Variants in SDK1 observed in about 807,000 individuals in gnomAD.
The protein encoded by SDK1 is protein sidekick-1.
In SDK1, 157 loss-of-function variants were observed where a neutral mutation model predicts 245.5. The observed-to-expected ratio is 0.64, with a 90% confidence interval of 0.56 to 0.73. The LOEUF (loss-of-function observed/expected upper bound fraction) is 0.73. SDK1 is among the 30% of genes least tolerant of loss of function. SDK1 has a pLI of 0.00. For synonymous variants in SDK1, 1,647 were observed against 1,278.5 expected, an observed-to-expected ratio of 1.29 and a Z score of -6.15; for missense variants, 3,583 against 3,002.3, an observed-to-expected ratio of 1.19 and a Z score of -4.52.
intron 4 of SDK1, among the ~76,000 whole-genome samples, chr7:3,684,370 T>G (rs1297185945): frequency 2.0e-5 from 3 of 152,148 alleles, no homozygotes; most frequent in East Asian, 3.9e-4. Flanking sequence ...GGTTGTAAAG[T>G]GCATACTGAA....
chr7:3,679,542 G>C (rs927198060), intron 4 of SDK1, among the ~76,000 whole-genome samples: 5 of 151,658 alleles, frequency 3.3e-5, no homozygotes, highest in African/African-American at 1.2e-4. Context: ...ACTCCAGCCT[G>C]GGCGACAGAG....
intron 44 of SDK1, among the ~76,000 whole-genome samples, chr7:4,255,914 C>CTTTTTTT (rs34810935): frequency 2.9e-5 from 3 of 104,096 alleles, no homozygotes; most frequent in African/African-American, 4.4e-5. Context: ...TTTCCAAATA[C>CTTTTTTT]TTTTTTTTTT....
At chr7:4,034,126 C>A (rs566897936) in intron 17 of SDK1, among the ~76,000 whole-genome samples, 106 of 152,220 alleles carry the variant, frequency 7.0e-4, no homozygotes, top group African/African-American at 2.5e-3. Context: ...AAGCCTGAAT[C>A]AAGTTAAAAA....
In SDK1 at chr7:4,253,237, C is replaced by A. The variant is rs751186220; in HGVS notation, c.6381+7432C>A. ...GAAGTTTATGTTGTTGATTTGAGAT[C>A]TTTCTTTTTTTGTAAATACAGGACT... On this transcript the variant is annotated intron_variant, in intron 44 of 44. Transcript: ENST00000404826. Among the ~76,000 whole-genome samples the A allele has an allele frequency of 1.6e-4, 24 of 152,028 alleles. 2 individuals are homozygous for A. The highest frequency in any genetic ancestry group is 5.8e-4 in the African/African-American group (24 of 41,390).
chr7:3,324,496 G>A (rs1391255842), intron 1 of SDK1, among the ~76,000 whole-genome samples: 3 of 152,136 alleles, frequency 2.0e-5, no homozygotes, highest in African/African-American at 7.2e-5. Flanking sequence ...GATAGGATAA[G>A]AATAGGAGGT....
At chr7:3,744,846 AAAG>A (rs1389565501) in intron 4 of SDK1, among the ~76,000 whole-genome samples, 3 of 152,122 alleles carry the variant, frequency 2.0e-5, no homozygotes, top group African/African-American at 7.2e-5. Flanking sequence ...ACAAAAAGAA[AAAG>A]AAAAACAATT....
intron 5 of SDK1, among the ~76,000 whole-genome samples, chr7:3,918,027 TCA>T (rs1583561849): frequency 6.6e-6 from 1 of 152,196 alleles, no homozygotes; most frequent in African/African-American, 2.4e-5. Context: ...TATGTGTAAT[TCA>T]CAGTTTTGTT....
At chr7:3,335,667 G>A (rs1471798328) in intron 1 of SDK1, among the ~76,000 whole-genome samples, 2 of 152,138 alleles carry the variant, frequency 1.3e-5, no homozygotes, top group African/African-American at 4.8e-5. Flanking sequence ...GATCACTACT[G>A]CCAGGAAGAG....
chr7:3,343,791 A>G (rs1780418619), intron 1 of SDK1, among the ~76,000 whole-genome samples: 1 of 152,176 alleles, frequency 6.6e-6, no homozygotes, highest in Non-Finnish European at 1.5e-5. Flanking sequence ...ACAGGTGATA[A>G]CAAGTAACTC....
chr7:3,967,563 T>C, intron 10 of SDK1, 129 bp downstream of exon 10: 1 of 665,072 alleles, frequency 1.5e-6, no homozygotes, highest in Non-Finnish European at 2.7e-6. Context: ...TAAATAACTC[T>C]TATTGCAGCA....
chr7:3,769,995 A>G (rs1780362747), intron 4 of SDK1, among the ~76,000 whole-genome samples: 1 of 151,616 alleles, frequency 6.6e-6, no homozygotes, highest in South Asian at 2.1e-4. Flanking sequence ...ATTTTACCAC[A>G]TGTGTAAGTT....
chr7:4,009,465 G>T (rs1237172432), intron 14 of SDK1, among the ~76,000 whole-genome samples: 1 of 152,180 alleles, frequency 6.6e-6, no homozygotes, highest in Non-Finnish European at 1.5e-5. Context: ...GAGTAAAAAG[G>T]GAAGTTGCTG....
chr7:3,604,444 C>G (rs989723956), intron 1 of SDK1, among the ~76,000 whole-genome samples: 5 of 152,082 alleles, frequency 3.3e-5, no homozygotes, highest in African/African-American at 1.2e-4. Context: ...TTCCCTCTTT[C>G]TAATGTAAGC....
chr7:3,457,410 C>A (rs970117345), intron 1 of SDK1, among the ~76,000 whole-genome samples: 10 of 152,102 alleles, frequency 6.6e-5, no homozygotes, highest in Admixed American at 3.3e-4. Flanking sequence ...TCCCCACAGA[C>A]ACTATACACA....
chr7:3,583,368 G>T (rs1487067063), intron 1 of SDK1, among the ~76,000 whole-genome samples: 1 of 152,154 alleles, frequency 6.6e-6, no homozygotes, highest in East Asian at 1.9e-4. Flanking sequence ...TCTTAAAGGT[G>T]AGTGATTCAT....
At chr7:4,149,015 C>T (rs188788892) in intron 29 of SDK1, among the ~76,000 whole-genome samples, 78 of 152,224 alleles carry the variant, frequency 5.1e-4, no homozygotes, top group African/African-American at 1.7e-3. Context: ...GAGATCACGC[C>T]ACTGCACTCC....
chr7:3,607,837 C>T (rs1285051062), intron 1 of SDK1, among the ~76,000 whole-genome samples: 1 of 152,242 alleles, frequency 6.6e-6, no homozygotes, highest in East Asian at 1.9e-4. Context: ...CTAGCAGGTG[C>T]TGGCGTAAGC....
intron 1 of SDK1, among the ~76,000 whole-genome samples, chr7:3,461,008 T>C (rs1780816291): frequency 6.6e-6 from 1 of 152,192 alleles, no homozygotes; most frequent in Non-Finnish European, 1.5e-5. Flanking sequence ...ATATCTGACT[T>C]GGAAATTTGC....
chr7:3,593,093 C>G (rs1014385807), intron 1 of SDK1, among the ~76,000 whole-genome samples: 3 of 152,196 alleles, frequency 2.0e-5, no homozygotes, highest in Non-Finnish European at 2.9e-5. Context: ...TAATGGGGAA[C>G]ATATTTAACT....
Sources: allele counts gnomAD v4.1 joint callset (sites outside exome capture counted in the v4.1 genomes callset), GRCh38; gene constraint gnomAD v4.1.1; transcripts MANE v1.5; gene names NCBI Gene and HGNC (gene_info 2026-07-23, HGNC 2026-07-21).